Variants in RBFOX1 observed in about 807,000 individuals in gnomAD.
RBFOX1 encodes the protein RNA binding protein fox-1 homolog 1.
Under a neutral mutation model 57.7 loss-of-function variants are expected in RBFOX1, and 8 were observed. The ratio of observed to expected loss-of-function variants is 0.14; its 90% CI spans 0.08 to 0.25. The LOEUF is 0.25. Among genes scored for constraint, RBFOX1 ranks in the 10% least tolerant of loss-of-function variants. The pLI is 1.00. For missense variants in RBFOX1, 611 were observed against 548.5 expected (o/e 1.11, Z -1.14); for synonymous variants, 326 against 222.4 (o/e 1.47, Z -4.15).
chr16:7,593,482 T>A (rs921245914), intron 7 of RBFOX1, among the ~76,000 whole-genome samples: 6 of 152,182 alleles, frequency 3.9e-5, no homozygotes, highest in Non-Finnish European at 8.8e-5. Context: ...CCTTCTGTTA[T>A]GGAGCAAATA....
chr16:7,147,146 ATT>A lies in RBFOX1; in HGVS notation c.27+95058_27+95059del, dbSNP rs560702800. Among the ~76,000 whole-genome samples, 186 of 129,324 alleles carry A rather than the reference ATT, an allele frequency of 1.4e-3. 1 individual carries two copies. In the Middle Eastern group the frequency reaches 0.024, roughly 16 times the overall value. The allele number at this position is 129,324 out of a possible 152,430, so 84.8% of individuals were successfully genotyped here. A position where few individuals can be genotyped will look rare whatever the true frequency, so the allele number is the denominator to read the frequency against. On this transcript the variant is annotated intron_variant, in intron 4 of 15. Coordinates refer to ENST00000550418, the MANE Select transcript of RBFOX1 (RefSeq NM_018723.4). Reference sequence around the variant, plus strand: ...AGGTGCCTGCCACCATGACTGGCTAATTTTTTTTTTTATTTATTTTTTATTTT... The same window carrying A: ...AGGTGCCTGCCACCATGACTGGCTAATTTTTTTTTATTTATTTTTTATTTT...
intron 3 of RBFOX1, among the ~76,000 whole-genome samples, chr16:7,001,895 G>C (rs2092842412): frequency 6.6e-6 from 1 of 152,168 alleles, no homozygotes; most frequent in African/African-American, 2.4e-5. Context: ...AGTCCCCATA[G>C]TAAGCGGGGG....
intron 3 of RBFOX1, among the ~76,000 whole-genome samples, chr16:6,935,311 G>C (rs1369660103): frequency 6.6e-6 from 1 of 152,198 alleles, no homozygotes; most frequent in African/African-American, 2.4e-5. Flanking sequence ...ATCTCTCCAA[G>C]TCTTTGATAG....
At chr16:7,546,176 A>T (rs141243538) in intron 5 of RBFOX1, among the ~76,000 whole-genome samples, 29 of 151,944 alleles carry the variant, frequency 1.9e-4, no homozygotes, top group African/African-American at 6.8e-4. Context: ...AAAATATAAA[A>T]ATCAGCCAGG....
At chr16:6,278,464 G>A (rs1479392039) in intron 1 of RBFOX1, among the ~76,000 whole-genome samples, 2 of 140,728 alleles carry the variant, frequency 1.4e-5, no homozygotes, top group Non-Finnish European at 3.0e-5. Context: ...GCATAAATCT[G>A]TGCGTCACCT....
intron 3 of RBFOX1, among the ~76,000 whole-genome samples, chr16:5,817,699 ATTT>A (rs36037789): frequency 2.8e-5 from 4 of 141,326 alleles, no homozygotes; most frequent in Non-Finnish European, 1.5e-5. Flanking sequence ...TGTGGGCTGT[ATTT>A]TTTTTTTTTT....
intron 3 of RBFOX1, among the ~76,000 whole-genome samples, chr16:6,875,777 G>A (rs2061723417): frequency 1.3e-5 from 2 of 152,148 alleles, no homozygotes; most frequent in Non-Finnish European, 2.9e-5. Context: ...GGCCATGACA[G>A]CAGGATTATT....
intron 2 of RBFOX1, among the ~76,000 whole-genome samples, chr16:5,511,914 C>T (rs112139544): frequency 0.028 from 4,281 of 152,260 alleles, 217 homozygotes; most frequent in African/African-American, 0.098. Context: ...GATATTAAAG[C>T]TTATGAGTCT....
intron 3 of RBFOX1, among the ~76,000 whole-genome samples, chr16:6,986,297 T>A (rs1269584591): frequency 6.6e-6 from 1 of 151,802 alleles, no homozygotes; most frequent in South Asian, 2.1e-4. Flanking sequence ...GCCTCCCGGG[T>A]TCAAGCGACT....
intron 2 of RBFOX1, among the ~76,000 whole-genome samples, chr16:6,427,808 A>C (rs1367628016): frequency 6.6e-6 from 1 of 152,200 alleles, no homozygotes; most frequent in Non-Finnish European, 1.5e-5. Context: ...AGAGTATTGC[A>C]CAACCTCTGA....
Position 6,417,412 on chromosome 16 carries a change from CTTTTTTTTTT to C in RBFOX1, c.-64+100365_-64+100374del, listed in dbSNP as rs35363634. 2.6e-5 allele frequency among the ~76,000 whole-genome samples: 3 copies of C among 116,154 alleles called. No homozygotes were observed. The East Asian group carries it at 7.5e-4, about 29-fold the overall frequency. 76.2% of individuals were successfully genotyped at this position (116,154 alleles called of 152,430 possible). On this transcript the variant is annotated intron_variant, in intron 2 of 15. Transcript: ENST00000550418. ...AGTTAGTCAAATATAAATGTGTTTA[CTTTTTTTTTT>C]TTTTTTTTTGAGACTGGAGTGCAGT...
intron 4 of RBFOX1, among the ~76,000 whole-genome samples, chr16:7,059,236 A>G (rs940113840): frequency 1.3e-5 from 2 of 152,088 alleles, no homozygotes; most frequent in Admixed American, 6.5e-5. Context: ...CCAGCTTTTC[A>G]TTCCTTAGTG....
chr16:5,996,556 T>C (rs1009679544), intron 4 of RBFOX1, among the ~76,000 whole-genome samples: 8 of 151,264 alleles, frequency 5.3e-5, no homozygotes, highest in Non-Finnish European at 1.2e-4. Context: ...AACTTGTAAG[T>C]GAGGGGGCTA....
chr16:5,499,466 A>G (rs951820318), intron 2 of RBFOX1, among the ~76,000 whole-genome samples: 3 of 152,192 alleles, frequency 2.0e-5, no homozygotes, highest in African/African-American at 7.2e-5. Flanking sequence ...GCCCCACTTG[A>G]GAGATGGACA....
chr16:6,236,028 G>A (rs1294947328), intron 1 of RBFOX1, among the ~76,000 whole-genome samples: 2 of 152,114 alleles, frequency 1.3e-5, no homozygotes, highest in Non-Finnish European at 2.9e-5. Flanking sequence ...AAAAAATAAA[G>A]TAGGAAAGAA....
At chr16:7,137,728 A>G (rs1250885972) in intron 4 of RBFOX1, among the ~76,000 whole-genome samples, 1 of 152,328 alleles carries the variant, frequency 6.6e-6, no homozygotes, top group East Asian at 1.9e-4. Context: ...CAAAGGAATA[A>G]TGGTGGTAAA....
intron 2 of RBFOX1, among the ~76,000 whole-genome samples, chr16:6,495,751 T>C (rs754341780): frequency 3.9e-5 from 6 of 152,184 alleles, no homozygotes; most frequent in Non-Finnish European, 7.4e-5. Flanking sequence ...TCAATAGCAG[T>C]ATGTTCTGCT....
chr16:7,464,268 G>A (rs1334264525), intron 4 of RBFOX1, among the ~76,000 whole-genome samples: 1 of 152,162 alleles, frequency 6.6e-6, no homozygotes. Context: ...TTTAGCCATT[G>A]GAGCTCCCCA....
At chr16:6,467,248 G>C (rs2095070799) in intron 2 of RBFOX1, among the ~76,000 whole-genome samples, 1 of 151,318 alleles carries the variant, frequency 6.6e-6, no homozygotes, top group Non-Finnish European at 1.5e-5. Flanking sequence ...ATTAATTACA[G>C]TTAATGTAAT....
Sources: gnomAD v4.1 joint callset for allele counts (sites outside exome capture counted in the v4.1 genomes callset) on GRCh38, gnomAD v4.1.1 for gene constraint, MANE v1.5 for transcripts, NCBI Gene and HGNC (gene_info 2026-07-23, HGNC 2026-07-21) for gene names.